CLNK: variants seen among roughly 807,000 people sequenced by gnomAD.
CLNK encodes cytokine dependent hematopoietic cell linker.
Under a neutral mutation model 68.6 loss-of-function variants are expected in CLNK, and 74 were observed. That is an observed-to-expected ratio of 1.08 (90% CI 0.89 to 1.31). The LOEUF is 1.31. Among genes scored for constraint, CLNK ranks in the 50% most tolerant of loss-of-function variants. CLNK has a pLI of 0.00. For missense variants in CLNK, 553 were observed against 515.3 expected, an observed-to-expected ratio of 1.07 and a Z score of -0.71; for synonymous variants, 198 against 172.2, an observed-to-expected ratio of 1.15 and a Z score of -1.17.
chr4:10,494,023 C>T (rs1193518858), intron 18 of CLNK, among the ~76,000 whole-genome samples: 1 of 152,210 alleles, frequency 6.6e-6, no homozygotes, highest in South Asian at 2.1e-4. Context: ...TCTAGCTTTG[C>T]CAAGAACATC....
chr4:10,686,645 C>G (rs1005736991), upstream of CLNK, among the ~76,000 whole-genome samples: 1 of 150,266 alleles, frequency 6.7e-6, no homozygotes, highest in Non-Finnish European at 1.5e-5. Context: ...GCCATGGTCC[C>G]ATTGGCCAAA....
At chr4:10,654,381 T>TATATATATATATATATATATATATA (rs1270566130) in intron 2 of CLNK, among the ~76,000 whole-genome samples, 2 of 67,780 alleles carry the variant, frequency 3.0e-5, no homozygotes, top group African/African-American at 7.9e-5. Context: ...TATATATTGA[T>TATATATATATATATATATATATATA]TAAATATATA....
chr4:10,516,286 A>G (rs553693999), intron 15 of CLNK, among the ~76,000 whole-genome samples: 41 of 152,346 alleles, frequency 2.7e-4, no homozygotes, highest in Non-Finnish European at 1.9e-4. Flanking sequence ...TAAGCTTTTT[A>G]GTTGTAATTA....
At chr4:10,689,532 C>G (rs1008873914), upstream of CLNK, among the ~76,000 whole-genome samples, 2 of 152,068 alleles carry the variant, frequency 1.3e-5, no homozygotes, top group African/African-American at 4.8e-5. Context: ...GGTTTCATCC[C>G]TTCAGCTGGT....
chr4:10,491,903 G>A (rs1037195273), intron 18 of CLNK, among the ~76,000 whole-genome samples: 1 of 152,132 alleles, frequency 6.6e-6, no homozygotes, highest in African/African-American at 2.4e-5. Flanking sequence ...CCCAGTAGGT[G>A]ATTTTTCATC....
chr4:10,706,553 G>A, the CLNK span, among the ~76,000 whole-genome samples: 1 of 152,190 alleles, frequency 6.6e-6, no homozygotes, highest in Non-Finnish European at 1.5e-5. Context: ...TCAGCTGTGA[G>A]AACTTCAGGA....
chr4:10,725,247 C>T, the CLNK span, among the ~76,000 whole-genome samples: 55 of 152,164 alleles, frequency 3.6e-4, no homozygotes, highest in African/African-American at 1.3e-3. Flanking sequence ...GGAGCACACC[C>T]TTTCCACTCT....
the CLNK span, among the ~76,000 whole-genome samples, chr4:10,734,391 T>C: frequency 1.3e-5 from 2 of 152,226 alleles, no homozygotes; most frequent in African/African-American, 4.8e-5. Context: ...GAGACAAACC[T>C]GGCATTACCC....
intron 14 of CLNK, among the ~76,000 whole-genome samples, chr4:10,522,572 C>CAAAAAAAAAAAAAAAAAAAAA (rs58663693): frequency 8.6e-6 from 1 of 116,384 alleles, no homozygotes; most frequent in African/African-American, 3.3e-5. Flanking sequence ...GAAACTCTCT[C>CAAAAAAAAAAAAAAAAAAAAA]AAAAAAAAAA....
In CLNK at chr4:10,487,159, G is replaced by T. The variant is rs1300937196; in HGVS notation, c.*3308C>A. The T allele has an allele frequency of 6.6e-6, 1 of 152,174 alleles. No individual in the cohort carries two copies. Among genetic ancestry groups the T allele is most frequent in the Non-Finnish European group, 1.5e-5 (1 of 68,034 alleles). The allele number at this position is 152,174 out of a possible 1,614,324, so 9.4% of individuals were successfully genotyped here. A position where few individuals can be genotyped will look rare whatever the true frequency, so the allele number is the denominator to read the frequency against. ...ACTTTTAAACTAAACGTGAGGTAAT[G>T]GTTGAAAAGGGATTAAAACACTGGA... On this transcript the variant is annotated 3_prime_UTR_variant, in exon 19 of 19. Coordinates refer to ENST00000226951, the MANE Select transcript of CLNK (RefSeq NM_052964.4).
At chr4:10,563,770 G>A (rs943430335) in intron 7 of CLNK, among the ~76,000 whole-genome samples, 4 of 152,146 alleles carry the variant, frequency 2.6e-5, no homozygotes, top group Admixed American at 1.3e-4. Flanking sequence ...AGCCGGGCAT[G>A]GTGACGTGCA....
chr4:10,666,629 T>G (rs1438568905), intron 2 of CLNK, among the ~76,000 whole-genome samples: 1 of 152,168 alleles, frequency 6.6e-6, no homozygotes, highest in African/African-American at 2.4e-5. Flanking sequence ...CAAGAAGAGC[T>G]AGTAATACCT....
chr4:10,511,232 T>C (rs1717569524), intron 16 of CLNK, among the ~76,000 whole-genome samples: 1 of 152,146 alleles, frequency 6.6e-6, no homozygotes, highest in Admixed American at 6.6e-5. Context: ...AAAACCAAGC[T>C]GCACCCTGAC....
chr4:10,563,763 C>T (rs866895482), intron 7 of CLNK, among the ~76,000 whole-genome samples: 2 of 152,014 alleles, frequency 1.3e-5, no homozygotes, highest in Admixed American at 6.6e-5. Flanking sequence ...AAAAATTAGC[C>T]GGGCATGGTG....
the CLNK span, among the ~76,000 whole-genome samples, chr4:10,722,692 A>G: frequency 1.3e-5 from 2 of 152,218 alleles, no homozygotes; most frequent in African/African-American, 2.4e-5. Flanking sequence ...TACACTCCAC[A>G]GGGTGGGAGT....
chr4:10,532,730 T>A (rs1482015822), intron 11 of CLNK, among the ~76,000 whole-genome samples: 1 of 152,100 alleles, frequency 6.6e-6, no homozygotes, highest in African/African-American at 2.4e-5. Flanking sequence ...TAAGAGAGAA[T>A]GCTGATAAAG....
At chr4:10,638,800 C>T (rs573898746) in intron 2 of CLNK, among the ~76,000 whole-genome samples, 11 of 152,214 alleles carry the variant, frequency 7.2e-5, no homozygotes, top group Non-Finnish European at 8.8e-5. Flanking sequence ...ATTCTGGAGG[C>T]GAGAAATCTG....
At chr4:10,568,904 C>T (rs1240798835) in intron 5 of CLNK, among the ~76,000 whole-genome samples, 3 of 152,154 alleles carry the variant, frequency 2.0e-5, no homozygotes, top group Non-Finnish European at 2.9e-5. Context: ...TGTGACATCA[C>T]AGCAATGGAA....
chr4:10,532,329 T>C (rs374940957), intron 11 of CLNK, 46 bp from the exon 12 acceptor site: 13 of 1,509,624 alleles, frequency 8.6e-6, no homozygotes, highest in Non-Finnish European at 1.2e-5. Flanking sequence ...CAGTTCATAA[T>C]GACCAAGATA....
Sources: allele counts gnomAD v4.1 joint callset (sites outside exome capture counted in the v4.1 genomes callset), GRCh38; gene constraint gnomAD v4.1.1; transcripts MANE v1.5; gene names NCBI Gene and HGNC (gene_info 2026-07-23, HGNC 2026-07-21).